The following GTF2IRD1 variants were observed in gnomAD, a reference collection of about 807,000 sequenced individuals.
GTF2IRD1 encodes GTF2I repeat domain containing 1, also known as general transcription factor II-I repeat domain-containing protein 1.
Under a neutral mutation model 113.2 loss-of-function variants are expected in GTF2IRD1, and 26 were observed. That is an observed-to-expected ratio of 0.23 (90% CI 0.17 to 0.32). GTF2IRD1 has a LOEUF of 0.32. Ranked by LOEUF, GTF2IRD1 falls within the 10% of genes least tolerant of loss-of-function variation. The pLI is 1.00. For synonymous variants in GTF2IRD1, 484 were observed against 529.1 expected, an observed-to-expected ratio of 0.91 and a Z score of 1.17; for missense variants, 864 against 1,280.8, an observed-to-expected ratio of 0.67 and a Z score of 4.97.
At chr7:74,470,434 C>T (rs1423191280) in intron 1 of GTF2IRD1, among the ~76,000 whole-genome samples, 2 of 152,146 alleles carry the variant, frequency 1.3e-5, no homozygotes, top group African/African-American at 4.8e-5. Flanking sequence ...CCCAGCACCC[C>T]CCACTCCAGC....
intron 25 of GTF2IRD1, 165 bp from the exon 26 acceptor site, chr7:74,600,877 CAT>C: frequency 3.0e-6 from 2 of 667,272 alleles, no homozygotes; most frequent in Non-Finnish European, 5.1e-6. Context: ...GGAGGCTGGA[CAT>C]GTGGGCTCTG....
At position 74,557,772 on chromosome 7, in the gene GTF2IRD1, A is replaced by T. The variant is rs376289304; in HGVS notation, c.2107+50A>T. ...AGGGACACGCAGCTGCTGTGCACAG[A>T]GAAGTGGGAGGCTTCCCAGTTCCAG... On this transcript the variant is annotated intron_variant, in intron 20 of 26. Transcript: ENST00000424337. The T allele has an allele frequency of 7.9e-6, 9 of 1,144,454 alleles. No individual in the cohort carries two copies. The African/African-American group carries it at 1.4e-4, about 18-fold the overall frequency. The allele number at this position is 1,144,454 out of a possible 1,614,324, so 70.9% of individuals were successfully genotyped here.
chr7:74,547,365 T>C, intron 17 of GTF2IRD1, 79 bp downstream of exon 17: 2 of 1,154,618 alleles, frequency 1.7e-6, no homozygotes, highest in Non-Finnish European at 2.5e-6. Context: ...CAAATTGCCA[T>C]CAAGCAATTC....
Position 74,519,455 on chromosome 7 carries a change from A to C in GTF2IRD1, c.652A>C (p.Asn218His). The C allele has an allele frequency of 6.3e-7, 1 of 1,577,166 alleles. No individual in the cohort carries two copies. Among genetic ancestry groups the C allele is most frequent in the Non-Finnish European group, 8.6e-7 (1 of 1,162,068 alleles). The change falls in exon 6 of 27, where the codon AAC becomes CAC. Residue 218 changes from asparagine to histidine, a missense_variant. Around this residue, in one of 7 missense-constraint regions of GTF2IRD1, gnomAD observed 195 missense variants for 196.6 expected, o/e 0.99. Coordinates refer to ENST00000424337, the MANE Select transcript of GTF2IRD1 (RefSeq NM_005685.4). ...GRDSKALVEL[N>H]GVSLIPKGSR... ...GGACTCGAAGGCCCTGGTGGAGCTG[A>C]ACGGTGTCTCCCTGATTCCCAAGGG...
intron 22 of GTF2IRD1, among the ~76,000 whole-genome samples, chr7:74,586,426 G>A (rs1205108628): frequency 3.3e-5 from 5 of 152,324 alleles, no homozygotes; most frequent in African/African-American, 4.8e-5. Context: ...ATAGGGACAC[G>A]GGAGGAGGAC....
intron 22 of GTF2IRD1, among the ~76,000 whole-genome samples, chr7:74,560,522 A>G (rs1554358714): frequency 6.8e-6 from 1 of 147,266 alleles, no homozygotes; most frequent in Non-Finnish European, 1.5e-5. Flanking sequence ...AAAAATATTT[A>G]TATAATTAAA....
chr7:74,471,585 A>T (rs1291246125), intron 1 of GTF2IRD1, among the ~76,000 whole-genome samples: 1 of 143,998 alleles, frequency 6.9e-6, no homozygotes, highest in African/African-American at 2.6e-5. Context: ...CTGAGGTGGG[A>T]GGGTGGTTTG....
chr7:74,558,364 T>TTTTTTTTTTTTTTTTTTG, intron 20 of GTF2IRD1, among the ~76,000 whole-genome samples: 1 of 121,280 alleles, frequency 8.2e-6, no homozygotes, highest in Non-Finnish European at 1.8e-5. Context: ...TTTTTTTTTT[T>TTTTTTTTTTTTTTTTTTG]TTTTTTTTTT....
intron 1 of GTF2IRD1, among the ~76,000 whole-genome samples, chr7:74,505,498 C>G (rs1796253397): frequency 6.6e-6 from 1 of 152,218 alleles, no homozygotes; most frequent in Non-Finnish European, 1.5e-5. Flanking sequence ...CCCCTCTTCC[C>G]TCTCTGTGTC....
chr7:74,476,101 G>T (rs1370423014), intron 1 of GTF2IRD1, among the ~76,000 whole-genome samples: 1 of 152,152 alleles, frequency 6.6e-6, no homozygotes, highest in African/African-American at 2.4e-5. Flanking sequence ...AGGGATGGGG[G>T]TGTGGCTATT....
chr7:74,597,632 C>G (rs782753139), intron 25 of GTF2IRD1, among the ~76,000 whole-genome samples: 7 of 152,130 alleles, frequency 4.6e-5, no homozygotes, highest in Non-Finnish European at 7.3e-5. Context: ...CAGGCGTGAG[C>G]TACTGTGCCT....
intron 1 of GTF2IRD1, among the ~76,000 whole-genome samples, chr7:74,467,488 T>G (rs997297214): frequency 6.6e-6 from 1 of 151,926 alleles, no homozygotes; most frequent in African/African-American, 2.4e-5. Flanking sequence ...CTCTGGGCTA[T>G]TTATTTATTT....
chr7:74,583,733 G>A (rs1239141937), intron 22 of GTF2IRD1, among the ~76,000 whole-genome samples: 1 of 152,146 alleles, frequency 6.6e-6, no homozygotes, highest in Non-Finnish European at 1.5e-5. Flanking sequence ...CTGGTTTAGG[G>A]TTGCACTTCT....
chr7:74,502,904 C>T (rs1019854858), intron 1 of GTF2IRD1, among the ~76,000 whole-genome samples: 1 of 152,182 alleles, frequency 6.6e-6, no homozygotes, highest in Admixed American at 6.5e-5. Context: ...CGGTGGCTCA[C>T]GCCTGTAATC....
rs1797061053 is a variant in GTF2IRD1, at chr7:74,518,146, C to T, written c.429C>T (p.Ala143=). Residue 143 remains alanine (A), a synonymous_variant, in exon 5 of 27, where the codon GCC becomes GCT. Coordinates refer to ENST00000424337, the MANE Select transcript of GTF2IRD1 (RefSeq NM_005685.4). ...EEVFDVLYSE[A]LGRASVVPLP... ...CTGGACTCTCCCCTACAGGCGAGGCCCTGGGAAGGGCCAGTGTGGTGCCAC... is the reference window on the plus strand; with the variant it reads ...CTGGACTCTCCCCTACAGGCGAGGCTCTGGGAAGGGCCAGTGTGGTGCCAC... 8.2e-6 allele frequency: 13 copies of T among 1,581,250 alleles called. No homozygotes were observed. The highest frequency in any genetic ancestry group is 1.1e-5 in the Non-Finnish European group (13 of 1,160,364).
chr7:74,568,272 A>G (rs774563679), intron 22 of GTF2IRD1, among the ~76,000 whole-genome samples: 1 of 145,130 alleles, frequency 6.9e-6, no homozygotes, highest in Non-Finnish European at 1.5e-5. Context: ...TGGGAGGCCG[A>G]GGCAGTAGGA....
chr7:74,569,361 A>G (rs1800545388), intron 22 of GTF2IRD1, among the ~76,000 whole-genome samples: 1 of 152,150 alleles, frequency 6.6e-6, no homozygotes, highest in African/African-American at 2.4e-5. Flanking sequence ...TAACTGAGCA[A>G]ACAGCCTGAA....
chr7:74,531,049 A>T (rs1797936905), intron 9 of GTF2IRD1, among the ~76,000 whole-genome samples: 1 of 151,972 alleles, frequency 6.6e-6, no homozygotes, highest in Non-Finnish European at 1.5e-5. Flanking sequence ...AGCCTGGGTG[A>T]CAGAGTGACA....
At chr7:74,501,555 C>T (rs1225335125) in intron 1 of GTF2IRD1, among the ~76,000 whole-genome samples, 4 of 152,194 alleles carry the variant, frequency 2.6e-5, no homozygotes, top group African/African-American at 9.7e-5. Flanking sequence ...GCCACCTTGG[C>T]ACTTACTTTT....
Sources: allele counts gnomAD v4.1 joint callset (sites outside exome capture counted in the v4.1 genomes callset), GRCh38; gene constraint gnomAD v4.1.1; regional missense constraint gnomAD v4.1.1; transcripts MANE v1.5; gene names NCBI Gene and HGNC (gene_info 2026-07-23, HGNC 2026-07-21).